The following AK8 variants were observed in gnomAD, a reference collection of about 807,000 sequenced individuals.
The protein encoded by AK8 is adenylate kinase 8, also known as ATP-AMP transphosphorylase 8.
A neutral mutation model predicts 54.6 loss-of-function variants in AK8; 44 were observed. The ratio of observed to expected loss-of-function variants is 0.81; its 90% confidence interval spans 0.63 to 1.04. The LOEUF (loss-of-function observed/expected upper bound fraction) is 1.04, where lower values mean the gene tolerates loss of function less well. Among genes scored for constraint, AK8 ranks in the 50% least tolerant of loss-of-function variants. The probability of loss-of-function intolerance (pLI) is 0.00; values close to 1 mark genes in which losing one functional copy is unlikely to be tolerated. For missense variants in AK8, 555 were observed against 613.6 expected, an observed-to-expected ratio of 0.90 and a Z score of 1.01; for synonymous variants, 239 against 245.6, an observed-to-expected ratio of 0.97 and a Z score of 0.25.
intron 11 of AK8, among the ~76,000 whole-genome samples, chr9:132,757,428 C>G (rs114372770): frequency 0.015 from 2,263 of 152,346 alleles, 46 homozygotes; most frequent in African/African-American, 0.048. Context: ...TACCCACTCT[C>G]TTATAGAACA....
In AK8 at chr9:132,836,814, C is replaced by T. The variant is rs116932117; in HGVS notation, c.403-8088G>A. Among the ~76,000 whole-genome samples the T allele has an allele frequency of 2.1e-3, 320 of 152,370 alleles. 12 individuals are homozygous for T. In the East Asian group the frequency reaches 0.057, roughly 27 times the overall value. ...TCTCTGAGGGGAGTTTGCCTGTCCT[C>T]TGGAAGCCCATGTGACTGTTTCCTT... is the stretch of plus-strand genomic sequence containing the variant. On this transcript the variant is annotated intron_variant, in intron 5 of 12. Coordinates refer to ENST00000298545, the MANE Select transcript of AK8 (RefSeq NM_152572.3).
chr9:132,755,900 T>C (rs749630013), intron 11 of AK8, among the ~76,000 whole-genome samples: 12 of 152,130 alleles, frequency 7.9e-5, no homozygotes, highest in Non-Finnish European at 1.8e-4. Context: ...CCCCAGTAGC[T>C]GGGATCACAG....
At chr9:132,785,794 T>C (rs1019668164) in intron 11 of AK8, among the ~76,000 whole-genome samples, 2 of 152,256 alleles carry the variant, frequency 1.3e-5, no homozygotes, top group African/African-American at 4.8e-5. Flanking sequence ...TATAGCTTTT[T>C]AGTTGTGTCA....
chr9:132,758,101 A>G (rs1246268349), intron 11 of AK8, among the ~76,000 whole-genome samples: 1 of 152,248 alleles, frequency 6.6e-6, no homozygotes, highest in Non-Finnish European at 1.5e-5. Context: ...AGCATCCATC[A>G]CTTTCAGTCA....
intron 5 of AK8, among the ~76,000 whole-genome samples, chr9:132,834,406 G>A (rs1238513322): frequency 6.6e-6 from 1 of 152,202 alleles, no homozygotes; most frequent in African/African-American, 2.4e-5. Flanking sequence ...ACCCTAGGAT[G>A]CCGTCCATAT....
chr9:132,803,570 C>G lies in AK8; in HGVS notation c.980-10795G>C, dbSNP rs775687901. Among the ~76,000 whole-genome samples the G allele has an allele frequency of 7.2e-5, 11 of 152,076 alleles. No individual in the cohort carries two copies. Among genetic ancestry groups the G allele is most frequent in the Non-Finnish European group, 7.4e-5 (5 of 68,026 alleles). ...CAGACACAATTCCCTTTATATAGAGCAAGCCAACAAATGGGATCCTAGGAA... is the reference window on the plus strand; with the variant it reads ...CAGACACAATTCCCTTTATATAGAGGAAGCCAACAAATGGGATCCTAGGAA... On this transcript the variant is annotated intron_variant, in intron 10 of 12. Coordinates refer to ENST00000298545, the MANE Select transcript of AK8 (RefSeq NM_152572.3). The surrounding 1 kb of genome is among the most constrained non-coding windows in gnomAD (Gnocchi z 4.4).
intron 11 of AK8, among the ~76,000 whole-genome samples, chr9:132,729,045 G>C (rs1476834567): frequency 6.6e-6 from 1 of 152,046 alleles, no homozygotes; most frequent in African/African-American, 2.4e-5. Context: ...ACCCCACCCA[G>C]ATAAGTTTTG....
At chr9:132,728,901 A>G (rs1322894596) in intron 11 of AK8, among the ~76,000 whole-genome samples, 2 of 63,684 alleles carry the variant, frequency 3.1e-5, no homozygotes, top group African/African-American at 1.4e-4. Flanking sequence ...CTTTATATGA[A>G]ACCTTTTTTT....
At chr9:132,857,742 G>C (rs1483196868) in intron 4 of AK8, among the ~76,000 whole-genome samples, 1 of 152,238 alleles carries the variant, frequency 6.6e-6, no homozygotes, top group African/African-American at 2.4e-5. Flanking sequence ...AAGAGCACCG[G>C]CTGAAAGGCG....
intron 11 of AK8, among the ~76,000 whole-genome samples, chr9:132,789,597 C>CAAAAAAA (rs578003731): frequency 3.5e-4 from 20 of 57,536 alleles, no homozygotes; most frequent in African/African-American, 1.0e-3. Context: ...ACTCATCTCA[C>CAAAAAAA]AAAAAAAAAA....
intron 10 of AK8, among the ~76,000 whole-genome samples, chr9:132,808,884 A>G (rs1447250757): frequency 6.6e-6 from 1 of 152,156 alleles, no homozygotes; most frequent in Non-Finnish European, 1.5e-5. Context: ...TCCAGTACCC[A>G]CCAGGGCAAT....
intron 10 of AK8, among the ~76,000 whole-genome samples, chr9:132,797,469 C>T (rs973759875): frequency 1.3e-5 from 2 of 152,306 alleles, no homozygotes; most frequent in African/African-American, 2.4e-5. Context: ...CGCTTCCTCT[C>T]AGTCGTTCCA....
chr9:132,752,410 T>C (rs28380093), intron 11 of AK8, among the ~76,000 whole-genome samples: 40,467 of 151,774 alleles, frequency 0.27, 7,863 homozygotes, highest in African/African-American at 0.54. Flanking sequence ...CCACCACGCC[T>C]GGCTAATTTT....
chr9:132,792,517 A>G (rs936900952), intron 11 of AK8, 117 bp downstream of exon 11: 2 of 1,365,184 alleles, frequency 1.5e-6, no homozygotes, highest in Non-Finnish European at 9.7e-7. Context: ...TGACCAGGAG[A>G]CATTCCACTT....
chr9:132,740,653 T>TG (rs1333356302), intron 11 of AK8, among the ~76,000 whole-genome samples: 1 of 152,116 alleles, frequency 6.6e-6, no homozygotes, highest in African/African-American at 2.4e-5. Context: ...CGTTTGGATT[T>TG]GGGGATGATG....
rs539511098 is a variant in AK8, at chr9:132,826,385, G to A, written c.757+469C>T. ...TGGACAGCAACGCAGTGCCAGGCGC[G>A]GGGCCATGTATCTCCATCCTAAATG... On this transcript the variant is annotated intron_variant, in intron 8 of 12. Transcript: ENST00000298545. This position sits in a 1 kb window ranked among gnomAD's most constrained non-coding sequence, Gnocchi z 4.5. Among the ~76,000 whole-genome samples, 23 of 152,322 alleles carry A rather than the reference G, an allele frequency of 1.5e-4. No homozygotes were observed. Among genetic ancestry groups the A allele is most frequent in the African/African-American group, 3.6e-4 (15 of 41,558 alleles).
intron 10 of AK8, among the ~76,000 whole-genome samples, chr9:132,808,212 G>A (rs1015000111): frequency 1.3e-5 from 2 of 152,178 alleles, no homozygotes; most frequent in African/African-American, 4.8e-5. Context: ...CCTGTTTATC[G>A]TATGCAGAGC....
intron 11 of AK8, among the ~76,000 whole-genome samples, chr9:132,761,802 C>T (rs1385299228): frequency 6.6e-6 from 1 of 151,350 alleles, no homozygotes; most frequent in Non-Finnish European, 1.5e-5. Context: ...CTTCTTCCCT[C>T]CCTCCCTCCT....
At chr9:132,876,828 G>A (rs1176599997) in intron 1 of AK8, among the ~76,000 whole-genome samples, 2 of 152,250 alleles carry the variant, frequency 1.3e-5, no homozygotes, top group Non-Finnish European at 2.9e-5. Flanking sequence ...GGAGGCCGAG[G>A]CAGAAGGACT....
Sources: gnomAD v4.1 joint callset for allele counts (sites outside exome capture counted in the v4.1 genomes callset) on GRCh38, gnomAD v4.1.1 for gene constraint, Gnocchi (gnomAD v3.1) non-coding constraint, MANE v1.5 for transcripts, NCBI Gene and HGNC (gene_info 2026-07-23, HGNC 2026-07-21) for gene names.